The following SYT6 variants were observed in gnomAD, a reference collection of about 807,000 sequenced individuals.
SYT6 encodes the protein synaptotagmin 6.
SYT6 carries 24 observed loss-of-function variants against 38.4 expected under a neutral mutation model. That is an observed-to-expected ratio of 0.62 (90% CI 0.45 to 0.88). The LOEUF (loss-of-function observed/expected upper bound fraction) is 0.88, where lower values mean the gene tolerates loss of function less well. Among genes scored for constraint, SYT6 ranks in the 40% least tolerant of loss-of-function variants. The pLI, the probability that SYT6 is intolerant of heterozygous loss-of-function variation, is 0.00. For synonymous variants in SYT6, 265 were observed against 241.9 expected (o/e 1.10, Z -0.89); for missense variants, 611 against 621.0 (o/e 0.98, Z 0.17).
chr1:114,105,370 C>T (rs1215712175), intron 3 of SYT6, among the ~76,000 whole-genome samples: 1 of 147,982 alleles, frequency 6.8e-6, no homozygotes, highest in East Asian at 2.3e-4. Context: ...GCGCTCACCG[C>T]ACTCTCCTCT....
chr1:114,099,497 C>T (rs551729604), intron 4 of SYT6, among the ~76,000 whole-genome samples: 12 of 152,232 alleles, frequency 7.9e-5, no homozygotes, highest in East Asian at 7.7e-4. Context: ...CTTGGGAGAG[C>T]GCCTAATGGA....
At chr1:114,130,300 G>A (rs998884414) in intron 3 of SYT6, among the ~76,000 whole-genome samples, 2 of 152,234 alleles carry the variant, frequency 1.3e-5, no homozygotes, top group African/African-American at 2.4e-5. Flanking sequence ...CACAAGAGCA[G>A]GGACTTTGTT....
intron 3 of SYT6, among the ~76,000 whole-genome samples, chr1:114,104,531 C>T (rs567346985): frequency 2.1e-4 from 32 of 152,206 alleles, no homozygotes; most frequent in African/African-American, 3.9e-4. Context: ...TGAAGGAGGG[C>T]GCTGTCACGG....
In SYT6 at chr1:114,153,709, G is replaced by A. The variant is rs957412642; in HGVS notation, c.64C>T (p.Leu22=). Residue 22 remains leucine, a synonymous_variant, in exon 1 of 8, where the codon CTG becomes TTG. Transcript: ENST00000610222. ...CQEALAVLAS[L]CRARPPPLGL... ...AGAGGGGGCGGCCGGGCCCGGCACA[G>A]CGAGGCGAGGACCGCGAGCGCCTCC... The A allele has an allele frequency of 2.1e-5, 14 of 680,874 alleles. No homozygotes were observed. Among genetic ancestry groups the A allele is most frequent in the Middle Eastern group, 2.4e-4 (1 of 4,184 alleles). The allele number at this position is 680,874 out of a possible 1,614,324, so 42.2% of individuals were successfully genotyped here. A position where few individuals can be genotyped will look rare whatever the true frequency, so the allele number is the denominator to read the frequency against.
chr1:114,127,742 A>G (rs1018090163), intron 3 of SYT6, among the ~76,000 whole-genome samples: 3 of 152,180 alleles, frequency 2.0e-5, no homozygotes, highest in Non-Finnish European at 2.9e-5. Flanking sequence ...GAGAGGTCCC[A>G]CCCATCTCTG....
intron 3 of SYT6, among the ~76,000 whole-genome samples, chr1:114,104,078 C>A (rs1238953455): frequency 6.6e-6 from 1 of 152,194 alleles, no homozygotes; most frequent in Non-Finnish European, 1.5e-5. Context: ...TCTCCTCCAG[C>A]CCACCCTTCT....
At chr1:114,124,211 A>G (rs1677592690) in intron 3 of SYT6, among the ~76,000 whole-genome samples, 1 of 152,236 alleles carries the variant, frequency 6.6e-6, no homozygotes, top group South Asian at 2.1e-4. Flanking sequence ...GCCATTTGAA[A>G]CCACAAAAAC....
At chr1:114,129,651 CTTTT>C (rs1678017331) in intron 3 of SYT6, among the ~76,000 whole-genome samples, 1 of 66,624 alleles carries the variant, frequency 1.5e-5, no homozygotes, top group Non-Finnish European at 3.1e-5. Context: ...CTCTTTCTTT[CTTTT>C]TCTTTCTTTC....
intron 3 of SYT6, 45 bp from the exon 4 acceptor site, chr1:114,103,766 A>G (rs1421010383): frequency 1.9e-6 from 3 of 1,593,268 alleles, no homozygotes; most frequent in Non-Finnish European, 2.6e-6. Flanking sequence ...CTTGCAGACC[A>G]TGGGCCTCAT....
intron 4 of SYT6, among the ~76,000 whole-genome samples, chr1:114,100,108 C>G (rs1675871515): frequency 6.6e-6 from 1 of 152,144 alleles, no homozygotes; most frequent in Non-Finnish European, 1.5e-5. Context: ...ATGGGTATTT[C>G]ATGGTCATCT....
At chr1:114,127,008 C>T (rs1677785008) in intron 3 of SYT6, among the ~76,000 whole-genome samples, 1 of 152,230 alleles carries the variant, frequency 6.6e-6, no homozygotes, top group Admixed American at 6.5e-5. Flanking sequence ...AGAGAAGGAT[C>T]TTTTGTGAAA....
chr1:114,109,013 G>C (rs189766097), intron 3 of SYT6, among the ~76,000 whole-genome samples: 52 of 113,292 alleles, frequency 4.6e-4, no homozygotes, highest in African/African-American at 4.4e-3. Flanking sequence ...GGGAGGGTAG[G>C]GGGGCTGGAA....
chr1:114,102,809 C>A (rs1676047360), intron 4 of SYT6, among the ~76,000 whole-genome samples: 1 of 151,938 alleles, frequency 6.6e-6, no homozygotes, highest in Admixed American at 6.6e-5. Context: ...CCATTTCACT[C>A]CTCAGAGCAG....
rs879321678 is a variant in SYT6, at chr1:114,129,588, CT to C, written c.1071+7906del. ...CTTTTCTTTCTTTCTTTCTTTCTTT[CT>C]TTCTTTCTTTCTTTCTTTCTTTCTT... On this transcript the variant is annotated intron_variant, in intron 3 of 7. Coordinates refer to ENST00000610222, the MANE Select transcript of SYT6 (RefSeq NM_001253772.2). 2.0e-3 allele frequency among the ~76,000 whole-genome samples: 194 copies of C among 95,664 alleles called. 1 individual carries two copies. The highest frequency in any genetic ancestry group is 7.0e-3 in the South Asian group (15 of 2,152). 62.8% of individuals were successfully genotyped at this position (95,664 alleles called of 152,430 possible). A position where few individuals can be genotyped will look rare whatever the true frequency, so the allele number is the denominator to read the frequency against.
At chr1:114,115,480 G>A (rs1254993122) in intron 3 of SYT6, among the ~76,000 whole-genome samples, 1 of 150,960 alleles carries the variant, frequency 6.6e-6, no homozygotes, top group Admixed American at 6.6e-5. Flanking sequence ...GCAGTGGTGC[G>A]ATCTCGGCTC....
At chr1:114,111,732 G>A (rs1240112821) in intron 3 of SYT6, among the ~76,000 whole-genome samples, 1 of 61,750 alleles carries the variant, frequency 1.6e-5, no homozygotes, top group African/African-American at 5.0e-5. Flanking sequence ...CTTCCGAGAG[G>A]AACCCGGCAG....
chr1:114,153,627 G>A lies in SYT6; in HGVS notation c.146C>T (p.Pro49Leu). The A allele has an allele frequency of 1.6e-6, 1 of 609,906 alleles. No individual in the cohort carries two copies. The highest frequency in any genetic ancestry group is 2.9e-6 in the Non-Finnish European group (1 of 339,518). 37.8% of individuals were successfully genotyped at this position (609,906 alleles called of 1,614,324 possible). A position where few individuals can be genotyped will look rare whatever the true frequency, so the allele number is the denominator to read the frequency against. The change falls in exon 1 of 8, where the codon CCC becomes CTC. Residue 49 changes from proline (P) to leucine (L), a missense_variant. Coordinates refer to ENST00000610222, the MANE Select transcript of SYT6 (RefSeq NM_001253772.2). ...SFELQPPERS[P>L]SAAGAGTSVS... ...CCCGTTACCTGCGCCTGCCGCGCTG[G>A]GACTCCGCTCTGGGGGCTGCAGCTC...
At chr1:114,143,455 GT>G (rs1678980576) in intron 1 of SYT6, among the ~76,000 whole-genome samples, 1 of 146,536 alleles carries the variant, frequency 6.8e-6, no homozygotes, top group South Asian at 2.1e-4. Context: ...CAGTTTAAAA[GT>G]TATATATATC....
At chr1:114,110,513 C>T (rs566036971) in intron 3 of SYT6, among the ~76,000 whole-genome samples, 8 of 152,100 alleles carry the variant, frequency 5.3e-5, no homozygotes, top group Middle Eastern at 3.4e-3. Flanking sequence ...CTGGGGGAAG[C>T]GGATGGTGGC....
Sources: allele counts gnomAD v4.1 joint callset (sites outside exome capture counted in the v4.1 genomes callset), GRCh38; gene constraint gnomAD v4.1.1; transcripts MANE v1.5; gene names NCBI Gene and HGNC (gene_info 2026-07-23, HGNC 2026-07-21).